Variants in GPR161 observed in about 807,000 individuals in gnomAD.
GPR161 encodes the protein G-protein coupled receptor RE2.
Under a neutral mutation model 39.2 loss-of-function variants are expected in GPR161, and 25 were observed. The observed-to-expected ratio is 0.64, with a 90% CI of 0.47 to 0.89. The LOEUF is 0.89. Ranked by LOEUF, GPR161 falls within the 40% of genes least tolerant of loss-of-function variation. The pLI is 0.00. For synonymous variants in GPR161, 286 were observed against 276.6 expected, an observed-to-expected ratio of 1.03 and a Z score of -0.34; for missense variants, 547 against 677.8, an observed-to-expected ratio of 0.81 and a Z score of 2.14.
chr1:168,136,912 G>A lies in GPR161; in HGVS notation c.-218C>T, dbSNP rs1472889982. Reference sequence around the variant, plus strand: ...GGGCCAGCCACCAGCACGCGGACCCGGGCGGGCGCAGGCCAAGTAACTTTG... The same window carrying A: ...GGGCCAGCCACCAGCACGCGGACCCAGGCGGGCGCAGGCCAAGTAACTTTG... On this transcript the variant is annotated 5_prime_UTR_variant, in exon 1 of 6. Coordinates refer to ENST00000682931, the MANE Select transcript of GPR161 (RefSeq NM_001375883.1). 2 of 977,336 alleles carry A rather than the reference G, an allele frequency of 2.0e-6. No homozygotes were observed. Among genetic ancestry groups the A allele is most frequent in the African/African-American group, 1.8e-5 (1 of 55,016 alleles). The allele number at this position is 977,336 out of a possible 1,614,324, so 60.5% of individuals were successfully genotyped here.
chr1:168,119,365 A>T (rs1697975365), intron 1 of GPR161, among the ~76,000 whole-genome samples: 1 of 150,318 alleles, frequency 6.7e-6, no homozygotes, highest in Admixed American at 6.6e-5. Flanking sequence ...TGTAATATGG[A>T]TGAAGCTTGG....
In GPR161 at chr1:168,112,422, G is replaced by A. The variant is rs1278841037; in HGVS notation, c.-44-7528C>T. ...GTGAACCCGGGAGGCGGAGCTTGCAGTGAGCCGAGATCGCGCCACTACACT... is the reference window on the plus strand; with the variant it reads ...GTGAACCCGGGAGGCGGAGCTTGCAATGAGCCGAGATCGCGCCACTACACT... On this transcript the variant is annotated intron_variant, in intron 1 of 5. Transcript: ENST00000682931. Among the ~76,000 whole-genome samples, 3 of 136,846 alleles carry A rather than the reference G, an allele frequency of 2.2e-5. No individual in the cohort carries two copies. In the Admixed American group the frequency reaches 2.4e-4, roughly 11 times the overall value. 89.8% of individuals were successfully genotyped at this position (136,846 alleles called of 152,430 possible).
At chr1:168,136,946 G>GCGCCCCGCCCCGCCCCGCCCCC, upstream of GPR161, 2 of 948,004 alleles carry the variant, frequency 2.1e-6, no homozygotes, top group Admixed American at 7.0e-5. Context: ...TGCGGCGCCC[G>GCGCCCCGCCCCGCCCCGCCCCC]CGCCCCGCCC....
At chr1:168,094,585 T>A (rs1695353082) in intron 3 of GPR161, among the ~76,000 whole-genome samples, 2 of 152,228 alleles carry the variant, frequency 1.3e-5, no homozygotes, top group African/African-American at 4.8e-5. Flanking sequence ...TCATTGCCAC[T>A]GGGTGTGCAT....
At position 168,084,834 on chromosome 1, in the gene GPR161, T is replaced by TC. The variant is rs945718041; in HGVS notation, c.*696dup. ...CTTCCTCTTGTCTTTTATAGTGGTT[T>TC]CTCCCTTTTGAAATACCAAAGAACT... On this transcript the variant is annotated 3_prime_UTR_variant, in exon 6 of 6. Coordinates refer to ENST00000682931, the MANE Select transcript of GPR161 (RefSeq NM_001375883.1). The TC allele has an allele frequency of 2.2e-6, 1 of 456,108 alleles. No homozygotes were observed. The highest frequency in any genetic ancestry group is 2.0e-5 in the African/African-American group (1 of 50,042). The allele number at this position is 456,108 out of a possible 1,614,324, so 28.3% of individuals were successfully genotyped here.
intron 1 of GPR161, among the ~76,000 whole-genome samples, chr1:168,130,350 A>C (rs1255262393): frequency 6.6e-6 from 1 of 152,210 alleles, no homozygotes; most frequent in Non-Finnish European, 1.5e-5. Flanking sequence ...TTGCTGAAAC[A>C]GCTGGGAGAA....
rs773032651 is a variant in GPR161 at position 168,085,542 on chromosome 1, C to T, written c.1579G>A (p.Glu527Lys). The change falls in exon 6 of 6, where the codon GAG becomes AAG. Residue 527 changes from glutamate (E) to lysine (K), a missense_variant. Coordinates refer to ENST00000682931, the MANE Select transcript of GPR161 (RefSeq NM_001375883.1). ...SIEEGDVLAA[E>K]QR ...GCACCCTGAGGCCCTCATCTCTGCT[C>T]GGCAGCTAAAACATCTCCTTCTTCG... 7 of 1,612,236 alleles carry T rather than the reference C, an allele frequency of 4.3e-6. No homozygotes were observed. The highest frequency in any genetic ancestry group is 2.2e-5 in the East Asian group (1 of 44,856).
At chr1:168,120,643 C>A (rs548014299) in intron 1 of GPR161, among the ~76,000 whole-genome samples, 1 of 152,118 alleles carries the variant, frequency 6.6e-6, no homozygotes, top group Non-Finnish European at 1.5e-5. Context: ...GAATCATAAT[C>A]CCCACATGTC....
At chr1:168,086,695 T>C (rs1434914748) in intron 5 of GPR161, among the ~76,000 whole-genome samples, 1 of 152,192 alleles carries the variant, frequency 6.6e-6, no homozygotes, top group African/African-American at 2.4e-5. Flanking sequence ...TTTAGTTCAT[T>C]TTTTCCTATA....
chr1:168,110,984 T>C (rs1437733330), intron 1 of GPR161, among the ~76,000 whole-genome samples: 1 of 151,166 alleles, frequency 6.6e-6, no homozygotes, highest in Admixed American at 6.6e-5. Context: ...AATGGGTATG[T>C]TAAACAGCAG....
Position 168,136,767 on chromosome 1 carries a change from C to CCCCG in GPR161, c.-77_-74dup. On this transcript the variant is annotated 5_prime_UTR_variant, in exon 1 of 6. Transcript: ENST00000682931. ...GGAGCGGCCGCCGCGGCAGCTCAGG[C>CCCCG]CCCGGCCCAGCCGCCTCCCCGCCTC... 1 of 990,946 alleles carries CCCCG rather than the reference C, an allele frequency of 1.0e-6. No homozygotes were observed. The highest frequency in any genetic ancestry group is 4.5e-5 in the South Asian group (1 of 22,188). The allele number at this position is 990,946 out of a possible 1,614,324, so 61.4% of individuals were successfully genotyped here.
At chr1:168,112,782 A>G (rs899868563) in intron 1 of GPR161, among the ~76,000 whole-genome samples, 1 of 152,046 alleles carries the variant, frequency 6.6e-6, no homozygotes, top group Non-Finnish European at 1.5e-5. Context: ...ACTGGAACCC[A>G]GGAGGCAGAG....
At chr1:168,137,480 C>A, upstream of GPR161, 2 of 1,222,996 alleles carry the variant, frequency 1.6e-6, no homozygotes, top group Non-Finnish European at 2.3e-6. Flanking sequence ...TGAATTCGTC[C>A]CGAAGCCAGC....
intron 2 of GPR161, among the ~76,000 whole-genome samples, chr1:168,099,807 G>A (rs1449909257): frequency 7.1e-6 from 1 of 140,848 alleles, no homozygotes; most frequent in Non-Finnish European, 1.5e-5. Flanking sequence ...ACGTCCTCCA[G>A]GGATTATTTT....
intron 3 of GPR161, among the ~76,000 whole-genome samples, chr1:168,096,169 GAACT>G (rs1185787671): frequency 7.3e-6 from 1 of 137,834 alleles, no homozygotes; most frequent in East Asian, 2.3e-4. Context: ...AAGAGAGAGA[GAACT>G]AACTATACAC....
intron 1 of GPR161, among the ~76,000 whole-genome samples, chr1:168,119,011 T>C (rs1697869670): frequency 6.6e-6 from 1 of 151,640 alleles, no homozygotes; most frequent in Non-Finnish European, 1.5e-5. Flanking sequence ...GTACAGCCAC[T>C]GTGGAGAATA....
chr1:168,125,122 G>T (rs564434156), intron 1 of GPR161, among the ~76,000 whole-genome samples: 148 of 152,190 alleles, frequency 9.7e-4, no homozygotes, highest in Non-Finnish European at 1.8e-3. Context: ...ACTTTCAGCT[G>T]CCCCCTTTTC....
Position 168,098,056 on chromosome 1 carries a change from A to G in GPR161, c.375-824T>C, listed in dbSNP as rs1318510252. Among the ~76,000 whole-genome samples the G allele has an allele frequency of 6.6e-6, 1 of 152,180 alleles. No individual in the cohort carries two copies. The highest frequency in any genetic ancestry group is 1.5e-5 in the Non-Finnish European group (1 of 68,014). ...AGGAGGGCTATCCATTCAAACTGGC[A>G]GGCTTCTGGTCCAGCACAGAGGGTC... On this transcript the variant is annotated intron_variant, in intron 2 of 5. Coordinates refer to ENST00000682931, the MANE Select transcript of GPR161 (RefSeq NM_001375883.1). This position sits in a 1 kb window ranked among gnomAD's most constrained non-coding sequence, Gnocchi z 4.1.
chr1:168,100,463 T>G (rs1453625334), intron 2 of GPR161, among the ~76,000 whole-genome samples: 1 of 152,140 alleles, frequency 6.6e-6, no homozygotes, highest in Non-Finnish European at 1.5e-5. Context: ...GCTCTCAATC[T>G]TTCCTCCAAC....
Sources: gnomAD v4.1 joint callset for allele counts (sites outside exome capture counted in the v4.1 genomes callset) on GRCh38, gnomAD v4.1.1 for gene constraint, Gnocchi (gnomAD v3.1) non-coding constraint, MANE v1.5 for transcripts, NCBI Gene and HGNC (gene_info 2026-07-23, HGNC 2026-07-21) for gene names.